MGAT4C: variants seen among roughly 807,000 people sequenced by gnomAD.
The protein encoded by MGAT4C is alpha-1,3-mannosyl-glycoprotein 4-beta-N-acetylglucosaminyltransferase C.
MGAT4C carries 19 observed loss-of-function variants against 40.1 expected under a neutral mutation model. That is an observed-to-expected ratio of 0.47 (90% CI 0.33 to 0.70). The LOEUF is 0.70. Among genes scored for constraint, MGAT4C ranks in the 30% least tolerant of loss-of-function variants. The pLI, the probability that MGAT4C is intolerant of heterozygous loss-of-function variation, is 0.02. For synonymous variants in MGAT4C, 181 were observed against 187.1 expected (o/e 0.97, Z 0.27); for missense variants, 491 against 563.2 (o/e 0.87, Z 1.30).
chr12:86,206,245 T>G lies in MGAT4C; in HGVS notation c.-57+49994A>C, dbSNP rs559799376. On this transcript the variant is annotated intron_variant, in intron 1 of 4. Coordinates refer to ENST00000611864, the MANE Select transcript of MGAT4C (RefSeq NM_001351288.2). ...AAACACTTATATTTTCAATACCTGT[T>G]ATCCTTTTTGAAATAATAAGGACAG... is the stretch of plus-strand genomic sequence containing the variant. 2.1e-4 allele frequency among the ~76,000 whole-genome samples: 32 copies of G among 152,298 alleles called. No homozygotes were observed. The Middle Eastern group carries it at 0.01, about 49-fold the overall frequency.
chr12:86,096,054 C>A (rs919247144), intron 1 of MGAT4C, among the ~76,000 whole-genome samples: 1 of 151,800 alleles, frequency 6.6e-6, no homozygotes, highest in Admixed American at 6.6e-5. Context: ...TTACAAAATT[C>A]TTGGCTTATA....
Position 86,806,244 on chromosome 12 carries a change from A to G in MGAT4C, c.-262+32422T>C, listed in dbSNP as rs1593224733. On this transcript the variant is annotated intron_variant, in intron 1 of 7. Transcript: ENST00000548651. ...CATTTATTATGTACTCTTTTATTAGAATTTTTATCAATAAAATTGTAGTTT... is the reference window on the plus strand; with the variant it reads ...CATTTATTATGTACTCTTTTATTAGGATTTTTATCAATAAAATTGTAGTTT... Among the ~76,000 whole-genome samples, 8 of 151,886 alleles carry G rather than the reference A, an allele frequency of 5.3e-5. No individual in the cohort carries two copies. The South Asian group carries it at 1.7e-3, about 31-fold the overall frequency.
chr12:86,643,493 G>T (rs1963450567), intron 2 of MGAT4C, among the ~76,000 whole-genome samples: 1 of 151,756 alleles, frequency 6.6e-6, no homozygotes, highest in African/African-American at 2.4e-5. Flanking sequence ...CCACTCATAG[G>T]AGTAATATTG....
intron 2 of MGAT4C, among the ~76,000 whole-genome samples, chr12:86,633,797 G>A (rs112523031): frequency 6.6e-6 from 1 of 151,960 alleles, no homozygotes; most frequent in Non-Finnish European, 1.5e-5. Context: ...TTGTTTTTTA[G>A]CCATAATTCT....
chr12:86,221,795 A>C (rs759574483), intron 1 of MGAT4C, among the ~76,000 whole-genome samples: 1 of 152,234 alleles, frequency 6.6e-6, no homozygotes, highest in Non-Finnish European at 1.5e-5. Context: ...CCACATTGCC[A>C]TGTGAAGCTG....
At chr12:86,088,021 C>CA (rs902893848) in intron 1 of MGAT4C, among the ~76,000 whole-genome samples, 2 of 151,868 alleles carry the variant, frequency 1.3e-5, no homozygotes, top group African/African-American at 4.8e-5. Flanking sequence ...GGGACTGGTA[C>CA]AAAAACAGAC....
At chr12:86,565,382 A>T (rs1960047739) in intron 2 of MGAT4C, among the ~76,000 whole-genome samples, 1 of 152,214 alleles carries the variant, frequency 6.6e-6, no homozygotes, top group Non-Finnish European at 1.5e-5. Flanking sequence ...GGAAGGAAAG[A>T]CTAGGGCCTG....
intron 2 of MGAT4C, among the ~76,000 whole-genome samples, chr12:86,564,396 C>A (rs890613841): frequency 2.6e-5 from 4 of 152,034 alleles, no homozygotes; most frequent in Non-Finnish European, 1.5e-5. Flanking sequence ...AGGGGTATAT[C>A]AACTCTCTGG....
intron 1 of MGAT4C, among the ~76,000 whole-genome samples, chr12:86,827,616 C>T (rs1229506032): frequency 6.6e-6 from 1 of 151,036 alleles, no homozygotes. Flanking sequence ...CTTAAGAGTT[C>T]AACGAAAGAA....
chr12:86,140,144 T>A (rs373543898), intron 1 of MGAT4C, among the ~76,000 whole-genome samples: 1 of 152,154 alleles, frequency 6.6e-6, no homozygotes. Context: ...CTGGAACTCT[T>A]TAATTCTACC....
chr12:86,768,315 G>T (rs1951555227), intron 1 of MGAT4C, among the ~76,000 whole-genome samples: 1 of 152,178 alleles, frequency 6.6e-6, no homozygotes, highest in Non-Finnish European at 1.5e-5. Flanking sequence ...TACGAGGGAT[G>T]TGAAGGACCT....
At chr12:86,617,706 A>G (rs1027100036) in intron 2 of MGAT4C, among the ~76,000 whole-genome samples, 2 of 151,952 alleles carry the variant, frequency 1.3e-5, no homozygotes, top group Non-Finnish European at 2.9e-5. Flanking sequence ...ATAATTGAAA[A>G]AAAAAAAAAC....
intron 2 of MGAT4C, among the ~76,000 whole-genome samples, chr12:86,689,100 A>G (rs967729123): frequency 4.6e-5 from 7 of 152,066 alleles, no homozygotes; most frequent in African/African-American, 1.4e-4. Context: ...TTGATCTTCA[A>G]TCTCTGATAT....
chr12:86,259,740 A>G (rs912532463), upstream of MGAT4C, among the ~76,000 whole-genome samples: 1 of 149,330 alleles, frequency 6.7e-6, no homozygotes, highest in African/African-American at 2.5e-5. Flanking sequence ...GGGGCAAAAC[A>G]CTCTATAGAC....
At chr12:86,216,188 A>C (rs1192103762) in intron 1 of MGAT4C, among the ~76,000 whole-genome samples, 2 of 152,184 alleles carry the variant, frequency 1.3e-5, no homozygotes, top group Admixed American at 1.3e-4. Context: ...AAAACACAGA[A>C]TTATGGTAAC....
chr12:86,326,075 T>C (rs1954520068), intron 4 of MGAT4C, among the ~76,000 whole-genome samples: 1 of 152,076 alleles, frequency 6.6e-6, no homozygotes, highest in East Asian at 1.9e-4. Context: ...GCCTATTATT[T>C]AGAATAAGAA....
intron 2 of MGAT4C, among the ~76,000 whole-genome samples, chr12:86,030,370 C>T (rs1890630983): frequency 6.6e-6 from 1 of 151,628 alleles, no homozygotes; most frequent in African/African-American, 2.4e-5. Context: ...ACTTTATAGC[C>T]TAAATATGAG....
chr12:86,048,504 T>C (rs1892618020), intron 2 of MGAT4C, among the ~76,000 whole-genome samples: 1 of 151,842 alleles, frequency 6.6e-6, no homozygotes, highest in South Asian at 2.1e-4. Flanking sequence ...ATTAGAATAT[T>C]AAAAAAGATT....
intron 1 of MGAT4C, among the ~76,000 whole-genome samples, chr12:86,778,497 A>T (rs1951780249): frequency 6.6e-6 from 1 of 152,204 alleles, no homozygotes; most frequent in Admixed American, 6.5e-5. Flanking sequence ...GGAAAGAGGC[A>T]TCCACTATAT....
Sources: gnomAD v4.1 joint callset for allele counts (sites outside exome capture counted in the v4.1 genomes callset) on GRCh38, gnomAD v4.1.1 for gene constraint, MANE v1.5 for transcripts, NCBI Gene and HGNC (gene_info 2026-07-23, HGNC 2026-07-21) for gene names.